The following CTNNBL1 variants were observed in gnomAD, a reference collection of about 807,000 sequenced individuals.
The protein encoded by CTNNBL1 is catenin beta like 1.
CTNNBL1 carries 31 observed loss-of-function variants against 72.7 expected under a neutral mutation model. The observed-to-expected ratio is 0.43, with a 90% CI of 0.32 to 0.58. The LOEUF (loss-of-function observed/expected upper bound fraction) is 0.58. Ranked by LOEUF, CTNNBL1 falls within the 20% of genes least tolerant of loss-of-function variation. CTNNBL1 has a pLI of 0.08. For missense variants in CTNNBL1, 534 were observed against 725.1 expected, an observed-to-expected ratio of 0.74 and a Z score of 3.03; for synonymous variants, 240 against 267.3, an observed-to-expected ratio of 0.90 and a Z score of 1.00.
At chr20:37,834,750 C>T (rs1247988688) in intron 11 of CTNNBL1, among the ~76,000 whole-genome samples, 4 of 152,266 alleles carry the variant, frequency 2.6e-5, no homozygotes, top group African/African-American at 9.6e-5. Context: ...TTAATCTCAC[C>T]GAGCCATGGG....
intron 11 of CTNNBL1, among the ~76,000 whole-genome samples, chr20:37,831,530 T>C (rs542049455): frequency 5.9e-5 from 9 of 152,080 alleles, no homozygotes; most frequent in Non-Finnish European, 1.2e-4. Context: ...CACGCCCAGC[T>C]AATTTTTTGT....
chr20:37,798,620 GC>G (rs1481735484), intron 10 of CTNNBL1, among the ~76,000 whole-genome samples: 2 of 152,032 alleles, frequency 1.3e-5, no homozygotes, highest in Admixed American at 6.5e-5. Context: ...TGCAATTACT[GC>G]CCCCTCTAAA....
At chr20:37,698,314 G>A (rs1041424364) in intron 1 of CTNNBL1, among the ~76,000 whole-genome samples, 1 of 152,222 alleles carries the variant, frequency 6.6e-6, no homozygotes, top group African/African-American at 2.4e-5. Context: ...CCAGCCAGGA[G>A]CATCTCCTTC....
chr20:37,775,645 C>G (rs1331558086), intron 7 of CTNNBL1, among the ~76,000 whole-genome samples: 1 of 152,112 alleles, frequency 6.6e-6, no homozygotes, highest in Non-Finnish European at 1.5e-5. Context: ...TTTTAAATGC[C>G]ACAACAGTGG....
intron 6 of CTNNBL1, 75 bp from the exon 7 acceptor site, chr20:37,767,878 T>A: frequency 8.5e-7 from 1 of 1,183,350 alleles, no homozygotes; most frequent in South Asian, 1.2e-5. Context: ...ATAACATGCC[T>A]GTCATGGGAA....
intron 11 of CTNNBL1, among the ~76,000 whole-genome samples, chr20:37,811,070 T>C (rs1353597680): frequency 1.3e-5 from 2 of 152,212 alleles, no homozygotes; most frequent in African/African-American, 4.8e-5. Context: ...CTCCTCCTTC[T>C]ATGTTGGTAA....
intron 1 of CTNNBL1, among the ~76,000 whole-genome samples, chr20:37,732,312 A>T (rs2073136339): frequency 6.6e-6 from 1 of 152,218 alleles, no homozygotes; most frequent in African/African-American, 2.4e-5. Flanking sequence ...GAAGTTACAT[A>T]TGTAATATTT....
intron 2 of CTNNBL1, among the ~76,000 whole-genome samples, chr20:37,735,955 C>T (rs1329160393): frequency 6.6e-6 from 1 of 152,012 alleles, no homozygotes; most frequent in African/African-American, 2.4e-5. Context: ...CATTGCAGCA[C>T]ATTAATTTAA....
intron 15 of CTNNBL1, among the ~76,000 whole-genome samples, chr20:37,866,644 A>G (rs2072539538): frequency 6.6e-6 from 1 of 152,224 alleles, no homozygotes; most frequent in Non-Finnish European, 1.5e-5. Flanking sequence ...ACCAACATAA[A>G]TTCTGGATCT....
Position 37,860,268 on chromosome 20 carries a change from T to A in CTNNBL1, c.1531-4T>A. On this transcript the variant is annotated splice_region_variant and splice_polypyrimidine_tract_variant and intron_variant, in intron 14 of 15. Coordinates refer to ENST00000361383, the MANE Select transcript of CTNNBL1 (RefSeq NM_030877.5). ...CTTTCTCTACCCATTTTTTCCCTTA[T>A]TAGATTCGCCAGAGGGTTCACCAGA... is the stretch of plus-strand genomic sequence containing the variant. 6.2e-7 allele frequency: 1 copy of A among 1,613,690 alleles called. No homozygotes were observed. Among genetic ancestry groups the A allele is most frequent in the African/African-American group, 1.3e-5 (1 of 75,040 alleles).
chr20:37,773,057 A>G (rs1194389875), intron 7 of CTNNBL1, among the ~76,000 whole-genome samples: 1 of 152,250 alleles, frequency 6.6e-6, no homozygotes, highest in African/African-American at 2.4e-5. Context: ...TTAAGATATT[A>G]CGTACTATTG....
At chr20:37,802,800 CT>C (rs35447704) in intron 10 of CTNNBL1, 66 bp from the exon 11 acceptor site, 108,176 of 883,726 alleles carry the variant, frequency 0.12, no homozygotes, top group South Asian at 0.15. Context: ...AGCAAATACC[CT>C]TTTTTTTTTT....
intron 5 of CTNNBL1, among the ~76,000 whole-genome samples, chr20:37,761,538 C>T (rs192369577): frequency 2.3e-3 from 357 of 152,266 alleles, no homozygotes; most frequent in Middle Eastern, 0.01. Context: ...TGTATTTGTT[C>T]CAAAGCAAAA....
chr20:37,701,797 GC>G (rs1473356494), intron 1 of CTNNBL1, among the ~76,000 whole-genome samples: 1 of 152,136 alleles, frequency 6.6e-6, no homozygotes, highest in Non-Finnish European at 1.5e-5. Context: ...CAGATGTGTG[GC>G]GTAATACATC....
chr20:37,803,161 C>T, intron 11 of CTNNBL1, 113 bp downstream of exon 11: 3 of 881,072 alleles, frequency 3.4e-6, no homozygotes, highest in South Asian at 3.8e-5. Flanking sequence ...AAGAGTGCTA[C>T]CTTTTTCTTA....
chr20:37,748,944 C>T (rs1393346297), intron 4 of CTNNBL1, among the ~76,000 whole-genome samples: 2 of 152,240 alleles, frequency 1.3e-5, no homozygotes, highest in African/African-American at 4.8e-5. Flanking sequence ...ATGGTGTTCA[C>T]AGACTCAGTG....
Position 37,856,625 on chromosome 20 carries a change from A to G in CTNNBL1, c.1393-3274A>G, listed in dbSNP as rs549212366. Among the ~76,000 whole-genome samples, 5 of 150,684 alleles carry G rather than the reference A, an allele frequency of 3.3e-5. No homozygotes were observed. The East Asian group carries it at 7.7e-4, about 23-fold the overall frequency. ...TCGTTTCTTGTAGGGCCCTCACACA[A>G]CGCGAAGACCATACCTCTAAGGTGC... is the stretch of plus-strand genomic sequence containing the variant. On this transcript the variant is annotated intron_variant, in intron 13 of 15. Transcript: ENST00000361383.
intron 15 of CTNNBL1, 148 bp downstream of exon 15, chr20:37,860,492 C>T (rs1351066188): frequency 5.9e-6 from 4 of 678,190 alleles, no homozygotes; most frequent in Non-Finnish European, 7.8e-6. Flanking sequence ...GTGTCCAGGT[C>T]GTCTTTGTCA....
intron 10 of CTNNBL1, among the ~76,000 whole-genome samples, chr20:37,800,566 C>G (rs929929917): frequency 6.6e-6 from 1 of 152,174 alleles, no homozygotes; most frequent in Non-Finnish European, 1.5e-5. Flanking sequence ...GCCCACTGTA[C>G]TTATTATTTT....
Sources: gnomAD v4.1 joint callset for allele counts (sites outside exome capture counted in the v4.1 genomes callset) on GRCh38, gnomAD v4.1.1 for gene constraint, MANE v1.5 for transcripts, NCBI Gene and HGNC (gene_info 2026-07-23, HGNC 2026-07-21) for gene names.